EBF1: variants seen among roughly 807,000 people sequenced by gnomAD.
The protein encoded by EBF1 is EBF transcription factor 1.
EBF1 carries 10 observed loss-of-function variants against 68.4 expected under a neutral mutation model. The observed-to-expected ratio is 0.15, with a 90% confidence interval of 0.09 to 0.25. EBF1 has a LOEUF of 0.25. Among genes scored for constraint, EBF1 ranks in the 10% least tolerant of loss-of-function variants. EBF1 has a pLI of 1.00. For synonymous variants in EBF1, 298 were observed against 299.8 expected, an observed-to-expected ratio of 0.99 and a Z score of 0.06; for missense variants, 509 against 794.4, an observed-to-expected ratio of 0.64 and a Z score of 4.32.
At chr5:159,024,906 T>C (rs868132237) in intron 6 of EBF1, among the ~76,000 whole-genome samples, 1 of 152,348 alleles carries the variant, frequency 6.6e-6, no homozygotes. Flanking sequence ...AGCTGGAGCC[T>C]GGCACTTACA....
At chr5:158,867,288 A>G (rs1796092961) in intron 6 of EBF1, among the ~76,000 whole-genome samples, 1 of 152,160 alleles carries the variant, frequency 6.6e-6, no homozygotes, top group Non-Finnish European at 1.5e-5. Context: ...TTGGGTTGGA[A>G]GAGGTTACTT....
intron 6 of EBF1, among the ~76,000 whole-genome samples, chr5:158,909,342 T>C (rs1332727473): frequency 6.6e-6 from 1 of 152,030 alleles, no homozygotes; most frequent in African/African-American, 2.4e-5. Flanking sequence ...GCTGGTTTGG[T>C]TTGGTTTGGT....
At chr5:159,042,580 C>A (rs1045287315) in intron 6 of EBF1, among the ~76,000 whole-genome samples, 10 of 117,644 alleles carry the variant, frequency 8.5e-5, no homozygotes, top group Non-Finnish European at 1.6e-4. Context: ...AAAAAAAATT[C>A]TTTGCCTGTG....
chr5:159,085,914 T>A (rs1447025629), intron 4 of EBF1, among the ~76,000 whole-genome samples: 2 of 152,126 alleles, frequency 1.3e-5, no homozygotes, highest in African/African-American at 4.8e-5. Flanking sequence ...TGTGTATAGA[T>A]CCTCAGAGAG....
chr5:158,916,155 C>T (rs1246307227), intron 6 of EBF1, among the ~76,000 whole-genome samples: 33 of 152,136 alleles, frequency 2.2e-4, no homozygotes, highest in Admixed American at 2.1e-3. Flanking sequence ...CTGAGAAGTG[C>T]CTTTATGCCA....
chr5:158,773,814 G>A (rs1774437135), intron 10 of EBF1, among the ~76,000 whole-genome samples: 1 of 152,034 alleles, frequency 6.6e-6, no homozygotes, highest in Non-Finnish European at 1.5e-5. Flanking sequence ...AAAGATCCAA[G>A]CCACTTAAAG....
At chr5:158,866,833 GTATATATATATATA>G (rs70987938) in intron 6 of EBF1, among the ~76,000 whole-genome samples, 122 of 92,764 alleles carry the variant, frequency 1.3e-3, no homozygotes, top group Admixed American at 2.4e-3. Context: ...ATATGTATAT[GTATATATATATATA>G]TATATATATA....
rs538462434 is a variant in EBF1 at position 158,835,626 on chromosome 5, C to T, written c.636+4403G>A. Among the ~76,000 whole-genome samples, 54 of 152,214 alleles carry T rather than the reference C, an allele frequency of 3.5e-4. 1 individual carries two copies. In the South Asian group the frequency reaches 8.5e-3, roughly 24 times the overall value. On this transcript the variant is annotated intron_variant, in intron 7 of 15. Transcript: ENST00000313708. The stretch of plus-strand genomic sequence containing the variant: ...GGGTCATTAGGGCTCTCAGATGTTA[C>T]GAGATCTCTTTATAGCCTCACTAAA...
chr5:158,981,138 G>T (rs994907902), intron 6 of EBF1, among the ~76,000 whole-genome samples: 2 of 151,534 alleles, frequency 1.3e-5, no homozygotes. Flanking sequence ...AGCAAGGGTA[G>T]CTAACCATTT....
At chr5:159,001,361 A>G (rs1762507022) in intron 6 of EBF1, among the ~76,000 whole-genome samples, 2 of 152,196 alleles carry the variant, frequency 1.3e-5, no homozygotes, top group South Asian at 2.1e-4. Flanking sequence ...AACAATTTTT[A>G]AAAGTGTAAA....
intron 8 of EBF1, among the ~76,000 whole-genome samples, chr5:158,801,429 G>A (rs1380721810): frequency 6.6e-6 from 1 of 152,014 alleles, no homozygotes; most frequent in Non-Finnish European, 1.5e-5. Flanking sequence ...GCTAGCAGCA[G>A]GCACACATTT....
intron 6 of EBF1, among the ~76,000 whole-genome samples, chr5:158,931,073 A>T (rs114732488): frequency 1.3e-5 from 2 of 152,236 alleles, no homozygotes; most frequent in African/African-American, 2.4e-5. Context: ...GATGCTGTGC[A>T]CAGCAAACTC....
At chr5:159,052,343 A>C (rs1274685048) in intron 6 of EBF1, among the ~76,000 whole-genome samples, 1 of 93,568 alleles carries the variant, frequency 1.1e-5, no homozygotes, top group Non-Finnish European at 2.1e-5. Context: ...TCCATTCCAA[A>C]AGATATAGAA....
chr5:158,969,888 GA>G (rs761037187), intron 6 of EBF1, among the ~76,000 whole-genome samples: 16 of 95,432 alleles, frequency 1.7e-4, no homozygotes, highest in Middle Eastern at 5.0e-3. Context: ...AAGAAAGAAA[GA>G]AAGAAAGAAA....
At chr5:159,068,115 G>C (rs1370460935) in intron 6 of EBF1, among the ~76,000 whole-genome samples, 1 of 152,096 alleles carries the variant, frequency 6.6e-6, no homozygotes, top group South Asian at 2.1e-4. Flanking sequence ...ACCAAAATAA[G>C]AAGAGTTGAA....
At chr5:159,023,191 A>C (rs758736771) in intron 6 of EBF1, among the ~76,000 whole-genome samples, 18 of 22,216 alleles carry the variant, frequency 8.1e-4, no homozygotes, top group Non-Finnish European at 4.0e-4. Flanking sequence ...TTTTCTCACT[A>C]AAAAAAAAAA....
At chr5:158,971,201 T>C (rs1328774596) in intron 6 of EBF1, among the ~76,000 whole-genome samples, 12 of 152,236 alleles carry the variant, frequency 7.9e-5, no homozygotes, top group Admixed American at 7.9e-4. Context: ...ACCTGATTCT[T>C]GCAAGAAGAA....
At chr5:159,010,875 AAC>A (rs1764525971) in intron 6 of EBF1, among the ~76,000 whole-genome samples, 1 of 152,266 alleles carries the variant, frequency 6.6e-6, no homozygotes, top group Non-Finnish European at 1.5e-5. Flanking sequence ...GGAAATCATA[AAC>A]AGTGTTTTTT....
intron 6 of EBF1, among the ~76,000 whole-genome samples, chr5:158,856,205 C>A (rs1159857141): frequency 6.6e-6 from 1 of 152,136 alleles, no homozygotes; most frequent in Admixed American, 6.5e-5. Flanking sequence ...CAATCCCGCA[C>A]CCCAATTTAA....
Sources: gnomAD v4.1 joint callset for allele counts (sites outside exome capture counted in the v4.1 genomes callset) on GRCh38, gnomAD v4.1.1 for gene constraint, MANE v1.5 for transcripts, NCBI Gene and HGNC (gene_info 2026-07-23, HGNC 2026-07-21) for gene names.